CHRM2: variants seen among roughly 807,000 people sequenced by gnomAD.
The protein encoded by CHRM2 is muscarinic acetylcholine receptor M2.
In CHRM2, 8 loss-of-function variants were observed where a neutral mutation model predicts 25.0. That is an observed-to-expected ratio of 0.32 (90% CI 0.19 to 0.58). The LOEUF (loss-of-function observed/expected upper bound fraction) is 0.58. Ranked by LOEUF, CHRM2 falls within the 20% of genes least tolerant of loss-of-function variation. The pLI is 0.88. For missense variants in CHRM2, 440 were observed against 567.1 expected (o/e 0.78, Z 2.28); for synonymous variants, 202 against 205.7 (o/e 0.98, Z 0.15).
Position 136,884,012 on chromosome 7 carries a change from T to C in CHRM2, c.-125+14594T>C, listed in dbSNP as rs188219293. 1.9e-4 allele frequency among the ~76,000 whole-genome samples: 29 copies of C among 152,304 alleles called. 1 individual carries two copies. Among genetic ancestry groups the C allele is most frequent in the African/African-American group, 7.0e-4 (29 of 41,560 alleles). On this transcript the variant is annotated intron_variant, in intron 2 of 3. Coordinates refer to ENST00000680005, the MANE Select transcript of CHRM2 (RefSeq NM_001006630.2). ...TGAATTGCCTGTAAATGATTAGGGT[T>C]TTCATTAATCATTGCAGTATCTACT...
At chr7:136,952,526 G>A (rs1183411960) in intron 2 of CHRM2, among the ~76,000 whole-genome samples, 1 of 152,076 alleles carries the variant, frequency 6.6e-6, no homozygotes, top group Non-Finnish European at 1.5e-5. Context: ...CTCTACCCAT[G>A]ATGACTGAGT....
At chr7:136,913,488 C>A (rs895684761) in intron 2 of CHRM2, among the ~76,000 whole-genome samples, 2 of 151,890 alleles carry the variant, frequency 1.3e-5, no homozygotes, top group Non-Finnish European at 2.9e-5. Flanking sequence ...ACATCCACAG[C>A]AAATATATCT....
intron 2 of CHRM2, among the ~76,000 whole-genome samples, chr7:136,885,082 A>C (rs1796410077): frequency 6.6e-6 from 1 of 152,358 alleles, no homozygotes; most frequent in African/African-American, 2.4e-5. Flanking sequence ...TATTTGATAA[A>C]GCTGAAAGCT....
At chr7:136,963,301 A>G (rs1262400090) in intron 2 of CHRM2, among the ~76,000 whole-genome samples, 1 of 152,206 alleles carries the variant, frequency 6.6e-6, no homozygotes, top group African/African-American at 2.4e-5. Context: ...TTGTTTTAAA[A>G]GCGTTTATCT....
intron 2 of CHRM2, chr7:136,902,827 C>A (rs1266131680): frequency 3.7e-6 from 1 of 271,460 alleles, no homozygotes; most frequent in Non-Finnish European, 7.1e-6. Context: ...TTTGCTCAAT[C>A]AAGTACAATT....
chr7:136,977,909 TCATATAC>T (rs1384008775), intron 2 of CHRM2, among the ~76,000 whole-genome samples: 1 of 152,206 alleles, frequency 6.6e-6, no homozygotes, highest in Non-Finnish European at 1.5e-5. Context: ...AAGTTAATTT[TCATATAC>T]TGTGAAAGGT....
At chr7:136,916,338 G>GA (rs1798111815) in intron 2 of CHRM2, among the ~76,000 whole-genome samples, 1 of 151,766 alleles carries the variant, frequency 6.6e-6, no homozygotes, top group African/African-American at 2.4e-5. Flanking sequence ...ATCCTCTACA[G>GA]AAAAACATTT....
intron 2 of CHRM2, among the ~76,000 whole-genome samples, chr7:136,891,764 T>G (rs1011821717): frequency 6.6e-6 from 1 of 152,132 alleles, no homozygotes; most frequent in Non-Finnish European, 1.5e-5. Context: ...ATTTTTCCTT[T>G]TATATTAGCA....
At chr7:136,910,720 T>A (rs1797795337) in intron 2 of CHRM2, among the ~76,000 whole-genome samples, 1 of 151,920 alleles carries the variant, frequency 6.6e-6, no homozygotes, top group African/African-American at 2.4e-5. Context: ...TTGTTGCTAC[T>A]TTTCTGTTTT....
intron 2 of CHRM2, among the ~76,000 whole-genome samples, chr7:136,904,630 A>C (rs1168945412): frequency 1.3e-5 from 2 of 151,762 alleles, no homozygotes; most frequent in Non-Finnish European, 2.9e-5. Flanking sequence ...CCTTTTTAAA[A>C]TAATTTCTTG....
chr7:136,963,930 G>A (rs1375084230), intron 2 of CHRM2, among the ~76,000 whole-genome samples: 1 of 152,176 alleles, frequency 6.6e-6, no homozygotes, highest in African/African-American at 2.4e-5. Flanking sequence ...GTCTTTTGGT[G>A]GCACTGATGT....
At position 137,019,448 on chromosome 7, in the gene CHRM2, G is replaced by A. The variant is rs541568279; in HGVS notation, c.*3182G>A. ...GTTGGCCATCAAAATATTTGCAGTT[G>A]ATATGATCAGTTTCTACTGGAGCTG... is the stretch of plus-strand genomic sequence containing the variant. On this transcript the variant is annotated 3_prime_UTR_variant, in exon 4 of 4. Coordinates refer to ENST00000680005, the MANE Select transcript of CHRM2 (RefSeq NM_001006630.2). 6.6e-6 allele frequency: 1 copy of A among 151,902 alleles called. No individual in the cohort carries two copies. Among genetic ancestry groups the A allele is most frequent in the South Asian group, 2.1e-4 (1 of 4,822 alleles). The allele number at this position is 151,902 out of a possible 1,614,324, so 9.4% of individuals were successfully genotyped here. A position where few individuals can be genotyped will look rare whatever the true frequency, so the allele number is the denominator to read the frequency against.
At chr7:136,918,362 G>C (rs2130720831) in intron 2 of CHRM2, among the ~76,000 whole-genome samples, 1 of 152,090 alleles carries the variant, frequency 6.6e-6, no homozygotes, top group East Asian at 1.9e-4. Flanking sequence ...CTAACAACTA[G>C]TATTTTGTTT....
intron 3 of CHRM2, among the ~76,000 whole-genome samples, chr7:137,003,184 C>A (rs1804168833): frequency 6.6e-6 from 1 of 152,130 alleles, no homozygotes; most frequent in African/African-American, 2.4e-5. Context: ...GCCAGCAAAT[C>A]TCTTAGAAAG....
chr7:136,903,488 T>G lies in CHRM2; in HGVS notation c.-125+34070T>G, dbSNP rs192046300. ...AAACTACTAGGATGAAAATAAGTAT[T>G]AAAAGATTTCTCTTTTAAAAAGCTG... On this transcript the variant is annotated intron_variant, in intron 2 of 3. Transcript: ENST00000680005. The G allele has an allele frequency of 3.5e-3, 612 of 173,180 alleles. 3 individuals carry two copies. The highest frequency in any genetic ancestry group is 0.014 in the African/African-American group (580 of 41,690). The allele number at this position is 173,180 out of a possible 1,614,324, so 10.7% of individuals were successfully genotyped here. A position where few individuals can be genotyped will look rare whatever the true frequency, so the allele number is the denominator to read the frequency against.
intron 2 of CHRM2, among the ~76,000 whole-genome samples, chr7:136,970,912 A>G (rs1432687188): frequency 6.6e-6 from 1 of 152,180 alleles, no homozygotes; most frequent in Non-Finnish European, 1.5e-5. Flanking sequence ...AAACCATGAG[A>G]TGGGGTGAAT....
chr7:136,890,576 C>T (rs1796651872), intron 2 of CHRM2, among the ~76,000 whole-genome samples: 1 of 152,102 alleles, frequency 6.6e-6, no homozygotes, highest in Non-Finnish European at 1.5e-5. Flanking sequence ...GGAGAAAACC[C>T]AAAAGACTGC....
chr7:136,879,829 T>A (rs1476376549), intron 2 of CHRM2, among the ~76,000 whole-genome samples: 1 of 151,914 alleles, frequency 6.6e-6, no homozygotes, highest in Admixed American at 6.6e-5. Context: ...CATCTAGCAT[T>A]AGGAAAGAAA....
chr7:137,000,446 C>A (rs181407280), intron 3 of CHRM2, among the ~76,000 whole-genome samples: 3,167 of 150,618 alleles, frequency 0.021, 41 homozygotes, highest in Middle Eastern at 0.058. Context: ...GTGATCTGCC[C>A]ACCTCGGCCT....
Sources: allele counts gnomAD v4.1 joint callset (sites outside exome capture counted in the v4.1 genomes callset), GRCh38; gene constraint gnomAD v4.1.1; transcripts MANE v1.5; gene names NCBI Gene and HGNC (gene_info 2026-07-23, HGNC 2026-07-21).